SRP9: variants seen among roughly 807,000 people sequenced by gnomAD.
SRP9 encodes the protein signal recognition particle 9.
A neutral mutation model predicts 11.7 loss-of-function variants in SRP9; 2 were observed. The observed-to-expected ratio is 0.17, with a 90% CI of 0.07 to 0.54. The LOEUF is 0.54. SRP9 is among the 20% of genes least tolerant of loss of function. SRP9 has a pLI of 0.94. For missense variants in SRP9, 54 were observed against 108.1 expected (o/e 0.50, Z 2.22); for synonymous variants, 27 against 35.6 (o/e 0.76, Z 0.86).
intron 1 of SRP9, among the ~76,000 whole-genome samples, chr1:225,780,489 C>A (rs760542547): frequency 1.4e-4 from 22 of 152,152 alleles, no homozygotes; most frequent in Non-Finnish European, 1.9e-4. Context: ...AGGCATTTTA[C>A]ATATGTTTAT....
intron 2 of SRP9, 80 bp downstream of exon 2, chr1:225,783,448 T>C: frequency 8.7e-7 from 1 of 1,153,666 alleles, no homozygotes. Flanking sequence ...TACTTAGAGT[T>C]TATGGAGATT....
intron 1 of SRP9, among the ~76,000 whole-genome samples, chr1:225,781,841 A>G (rs1665806453): frequency 6.6e-6 from 1 of 152,180 alleles, no homozygotes; most frequent in South Asian, 2.1e-4. Context: ...AATGTGTAAA[A>G]CTGAATTTAC....
At chr1:225,778,133 C>T (rs1457716134) in intron 1 of SRP9, 121 bp downstream of exon 1, 3 of 1,070,122 alleles carry the variant, frequency 2.8e-6, no homozygotes, top group East Asian at 2.6e-5. Flanking sequence ...ACAAATGGAC[C>T]CTGCCAAGTT....
rs908345629 is a variant in SRP9, at chr1:225,789,753, G to T, written c.*394G>T. The T allele has an allele frequency of 1.7e-5, 3 of 180,854 alleles. No individual in the cohort carries two copies. The highest frequency in any genetic ancestry group is 3.5e-5 in the Non-Finnish European group (3 of 84,696). The allele number at this position is 180,854 out of a possible 1,614,324, so 11.2% of individuals were successfully genotyped here. A position where few individuals can be genotyped will look rare whatever the true frequency, so the allele number is the denominator to read the frequency against. On this transcript the variant is annotated 3_prime_UTR_variant, in exon 3 of 3. Coordinates refer to ENST00000304786, the MANE Select transcript of SRP9 (RefSeq NM_003133.6). Reference sequence around the variant, plus strand: ...AATGTAACCATTTTGTCAGATCCATGTATTTTGGAGCATAAAATGTATGCT... The same window carrying T: ...AATGTAACCATTTTGTCAGATCCATTTATTTTGGAGCATAAAATGTATGCT...
At chr1:225,785,627 G>A (rs1429033462) in intron 2 of SRP9, among the ~76,000 whole-genome samples, 18 of 149,190 alleles carry the variant, frequency 1.2e-4, no homozygotes, top group Non-Finnish European at 2.1e-4. Context: ...TGATCTGCCC[G>A]CCTTGGCCTC....
intron 1 of SRP9, among the ~76,000 whole-genome samples, chr1:225,781,444 G>A (rs1665798808): frequency 7.9e-6 from 1 of 126,778 alleles, no homozygotes; most frequent in South Asian, 2.6e-4. Flanking sequence ...TTGTTGTCCA[G>A]GCTGGAGTGC....
chr1:225,779,062 CTG>C (rs1665743415), intron 1 of SRP9, among the ~76,000 whole-genome samples: 1 of 151,614 alleles, frequency 6.6e-6, no homozygotes, highest in Non-Finnish European at 1.5e-5. Context: ...TGTATTGTGA[CTG>C]TATCCCTCGG....
At chr1:225,786,905 T>C in intron 2 of SRP9, 1 of 1,013,484 alleles carries the variant, frequency 9.9e-7, no homozygotes, top group South Asian at 1.4e-5. Context: ...TGCAGTGGCA[T>C]GATCATAGCT....
chr1:225,786,866 A>G (rs1300375155), intron 2 of SRP9: 1 of 1,202,508 alleles, frequency 8.3e-7, no homozygotes, highest in Non-Finnish European at 1.1e-6. Context: ...TTTTAGAGAC[A>G]GTGTCTTGCT....
At chr1:225,788,635 C>T (rs967380533) in intron 2 of SRP9, among the ~76,000 whole-genome samples, 59 of 152,216 alleles carry the variant, frequency 3.9e-4, no homozygotes, top group African/African-American at 1.2e-3. Flanking sequence ...AGGCTGGTTT[C>T]GAACTGCTGA....
intron 2 of SRP9, chr1:225,788,918 A>T: frequency 7.4e-7 from 1 of 1,347,448 alleles, no homozygotes; most frequent in East Asian, 2.5e-5. Context: ...CCTAATTCGA[A>T]GGAAGAAAAT....
intron 1 of SRP9, among the ~76,000 whole-genome samples, chr1:225,780,986 C>A (rs541284599): frequency 1.3e-5 from 2 of 152,342 alleles, no homozygotes; most frequent in African/African-American, 2.4e-5. Flanking sequence ...ATAGTCCCAA[C>A]TCCCAGTCAC....
chr1:225,778,248 G>T (rs1196467537), intron 1 of SRP9, among the ~76,000 whole-genome samples: 1 of 152,202 alleles, frequency 6.6e-6, no homozygotes, highest in Non-Finnish European at 1.5e-5. Context: ...TTCTGCAATC[G>T]ATCTTCCCGC....
intron 2 of SRP9, among the ~76,000 whole-genome samples, chr1:225,787,476 A>G (rs918662377): frequency 1.2e-4 from 19 of 152,108 alleles, no homozygotes; most frequent in African/African-American, 2.4e-4. Context: ...AGAGGTTGCA[A>G]TGAGCCAAGA....
chr1:225,787,236 T>C (rs911687140), intron 2 of SRP9, among the ~76,000 whole-genome samples: 3 of 152,274 alleles, frequency 2.0e-5, no homozygotes, highest in Non-Finnish European at 2.9e-5. Context: ...ATGTCCTGTC[T>C]TAAAAATAGG....
At position 225,784,425 on chromosome 1, in the gene SRP9, A is replaced by G. The variant is rs191325474; in HGVS notation, c.141+1057A>G. Among the ~76,000 whole-genome samples the G allele has an allele frequency of 7.2e-4, 104 of 144,240 alleles. 1 individual carries two copies. The highest frequency in any genetic ancestry group is 1.9e-3 in the African/African-American group (75 of 39,050). The allele number at this position is 144,240 out of a possible 152,430, so 94.6% of individuals were successfully genotyped here. A position where few individuals can be genotyped will look rare whatever the true frequency, so the allele number is the denominator to read the frequency against. On this transcript the variant is annotated intron_variant, in intron 2 of 2. Coordinates refer to ENST00000304786, the MANE Select transcript of SRP9 (RefSeq NM_003133.6). ...CCACGCCCAGCTAATTTTTTTTTGT[A>G]TTTTTAGTAGAGACAGGGTTTCACC...
chr1:225,785,237 A>ATTTTTTT (rs34100490), intron 2 of SRP9, among the ~76,000 whole-genome samples: 1 of 129,684 alleles, frequency 7.7e-6, no homozygotes, highest in African/African-American at 2.9e-5. Flanking sequence ...CGCCCAACTA[A>ATTTTTTT]TTTTTTTTTT....
At chr1:225,785,699 T>TTTA (rs1553481301) in intron 2 of SRP9, among the ~76,000 whole-genome samples, 2 of 149,414 alleles carry the variant, frequency 1.3e-5, no homozygotes, top group Admixed American at 6.7e-5. Context: ...TTTTTTTTTT[T>TTTA]AAAGAAGGAG....
intron 2 of SRP9, among the ~76,000 whole-genome samples, chr1:225,785,935 C>G (rs1217645018): frequency 6.6e-6 from 1 of 152,254 alleles, no homozygotes; most frequent in African/African-American, 2.4e-5. Context: ...ATCCACCCAC[C>G]TCGGCCTCCC....
Sources: allele counts gnomAD v4.1 joint callset (sites outside exome capture counted in the v4.1 genomes callset), GRCh38; gene constraint gnomAD v4.1.1; transcripts MANE v1.5; gene names NCBI Gene and HGNC (gene_info 2026-07-23, HGNC 2026-07-21).